GSPT2: variants seen among roughly 807,000 people sequenced by gnomAD.
GSPT2 encodes the protein eukaryotic peptide chain release factor GTP-binding subunit ERF3B.
Under a neutral mutation model 24.6 loss-of-function variants are expected in GSPT2, and 2 were observed. That is an observed-to-expected ratio of 0.08 (90% CI 0.03 to 0.26). The LOEUF (loss-of-function observed/expected upper bound fraction) is 0.26, where lower values mean the gene tolerates loss of function less well. Ranked by LOEUF, GSPT2 falls within the 10% of genes least tolerant of loss-of-function variation. The probability of loss-of-function intolerance (pLI) is 1.00; values close to 1 mark genes in which losing one functional copy is unlikely to be tolerated. For missense variants in GSPT2, 322 were observed against 489.6 expected, an observed-to-expected ratio of 0.66 and a Z score of 3.23; for synonymous variants, 194 against 189.3, an observed-to-expected ratio of 1.02 and a Z score of -0.20.
chrX:51,745,168 CCT>C lies in GSPT2; in HGVS notation c.1545_1546del (p.Cys516ProfsTer7). ...PGFILCDPSN[L>X]CHSGRTFDVQ... Reference sequence around the variant, plus strand: ...GATTCATACTTTGTGATCCTAGTAACCTCTGCCATTCTGGACGCACGTTTGAT... The same window carrying C: ...GATTCATACTTTGTGATCCTAGTAACCTGCCATTCTGGACGCACGTTTGAT... On this transcript the variant is annotated frameshift_variant, in exon 1 of 1. Transcript: ENST00000340438. LOFTEE classifies it high-confidence loss of function. The C allele has an allele frequency of 8.3e-7, 1 of 1,203,253 alleles. No homozygotes were observed. Among genetic ancestry groups the C allele is most frequent in the Non-Finnish European group, 1.1e-6 (1 of 887,857 alleles).
rs781793704 is a variant in GSPT2, at chrX:51,745,147, C to T, written c.1521C>T (p.Phe507=). The part of the protein sequence containing the change: ...GIEEEEILPG[F]ILCDPSNLCH... ...AAGAAGAAGAGATTCTTCCAGGATT[C>T]ATACTTTGTGATCCTAGTAACCTCT... The change falls in exon 1 of 1, where the codon TTC becomes TTT. Residue 507 remains phenylalanine (F), a synonymous_variant. Coordinates refer to ENST00000340438, the MANE Select transcript of GSPT2 (RefSeq NM_018094.5). The T allele has an allele frequency of 1.7e-5, 20 of 1,206,562 alleles. No homozygotes were observed. In the Admixed American group the frequency reaches 2.0e-4, roughly 12 times the overall value.
In GSPT2 at chrX:51,743,875, G is replaced by T. The variant is rs1923945392; in HGVS notation, c.249G>T (p.Pro83=). 1 of 1,204,273 alleles carries T rather than the reference G, an allele frequency of 8.3e-7. No homozygotes were observed. Among genetic ancestry groups the T allele is most frequent in the East Asian group, 3.0e-5 (1 of 33,510 alleles). The part of the protein sequence containing the change: ...LRGPTQPPTL[P]AGSGSNDETC... ...GCCCGACTCAGCCGCCCACCCTCCC[G>T]GCCGGCTCCGGCAGCAACGATGAAA... Residue 83 remains proline (P), a synonymous_variant, in exon 1 of 1, where the codon CCG becomes CCT. Transcript: ENST00000340438.
In GSPT2 at chrX:51,745,420, A is replaced by G; in HGVS notation, c.1794A>G (p.Lys598=). Residue 598 remains lysine, a synonymous_variant, in exon 1 of 1, where the codon AAA becomes AAG. Transcript: ENST00000340438. The part of the protein sequence containing the change: ...TAGTICLETF[K]DFPQMGRFTL... ...GAACCATCTGCCTCGAGACGTTCAA[A>G]GATTTTCCTCAGATGGGTCGTTTTA... The G allele has an allele frequency of 1.7e-6, 2 of 1,207,428 alleles. No homozygotes were observed. The highest frequency in any genetic ancestry group is 2.2e-6 in the Non-Finnish European group (2 of 891,496).
Position 51,744,793 on chromosome X carries a change from C to G in GSPT2, c.1167C>G (p.Pro389=). 1 of 1,205,159 alleles carries G rather than the reference C, an allele frequency of 8.3e-7. No homozygotes were observed. Among genetic ancestry groups the G allele is most frequent in the Non-Finnish European group, 1.1e-6 (1 of 889,551 alleles). ...FSPKKDIHFM[P]CSGLTGANIK... ...CAAAAAAGGACATTCACTTTATGCC[C>G]TGCTCAGGACTGACCGGAGCAAATA... is the stretch of plus-strand genomic sequence containing the variant. The change falls in exon 1 of 1, where the codon CCC becomes CCG. Residue 389 remains proline, a synonymous_variant. Coordinates refer to ENST00000340438, the MANE Select transcript of GSPT2 (RefSeq NM_018094.5).
At position 51,744,886 on chromosome X, in the gene GSPT2, G is replaced by A; in HGVS notation, c.1260G>A (p.Leu420=). ...GLPFIPYLDN[L]PNFNRSIDGP... is the part of the protein sequence containing the mutation. ...CATTTATTCCGTATTTGGATAACTTGCCAAACTTCAACAGATCAATTGATG... is the reference window on the plus strand; with the variant it reads ...CATTTATTCCGTATTTGGATAACTTACCAAACTTCAACAGATCAATTGATG... Residue 420 remains leucine, a synonymous_variant, in exon 1 of 1, where the codon TTG becomes TTA. Transcript: ENST00000340438. 1.7e-6 allele frequency: 2 copies of A among 1,208,730 alleles called. No individual in the cohort carries two copies. The highest frequency in any genetic ancestry group is 2.2e-6 in the Non-Finnish European group (2 of 892,918).
chrX:51,743,761 C>T lies in GSPT2; in HGVS notation c.135C>T (p.Ser45=). 8.3e-7 allele frequency: 1 copy of T among 1,211,710 alleles called. No individual in the cohort carries two copies. Among genetic ancestry groups the T allele is most frequent in the Admixed American group, 2.2e-5 (1 of 46,142 alleles). Reference sequence around the variant, plus strand: ...CCGAGGCCCAGCGCGAGCCCCTCAGCTCGGCTTTCAGCCGTAAGCTCAACG... The same window carrying T: ...CCGAGGCCCAGCGCGAGCCCCTCAGTTCGGCTTTCAGCCGTAAGCTCAACG... ...AVAEAQREPL[S]SAFSRKLNVN... Residue 45 remains serine (S), a synonymous_variant, in exon 1 of 1, where the codon AGC becomes AGT. Coordinates refer to ENST00000340438, the MANE Select transcript of GSPT2 (RefSeq NM_018094.5).
chrX:51,745,578 C>T lies in GSPT2; in HGVS notation c.*65C>T. 3.1e-6 allele frequency: 2 copies of T among 643,719 alleles called. No individual in the cohort carries two copies. Among genetic ancestry groups the T allele is most frequent in the Admixed American group, 6.1e-5 (2 of 32,878 alleles). The allele number at this position is 643,719 out of a possible 1,213,427, so 53.0% of individuals were successfully genotyped here. Reference sequence around the variant, plus strand: ...ATTGACAGCAAAAGTTCACCACCTACTCTTATTTACTGCCCATTGATTGAC... The same window carrying T: ...ATTGACAGCAAAAGTTCACCACCTATTCTTATTTACTGCCCATTGATTGAC... On this transcript the variant is annotated 3_prime_UTR_variant, in exon 1 of 1. Coordinates refer to ENST00000340438, the MANE Select transcript of GSPT2 (RefSeq NM_018094.5).
chrX:51,744,046 A>G lies in GSPT2; in HGVS notation c.420A>G (p.Gly140=). The G allele has an allele frequency of 8.3e-7, 1 of 1,210,377 alleles. No individual in the cohort carries two copies. Among genetic ancestry groups the G allele is most frequent in the Non-Finnish European group, 1.1e-6 (1 of 894,782 alleles). ...MELSEPVVEN[G]EVEMALEESW... ...TTTCAGAACCTGTTGTAGAAAATGG[A>G]GAGGTGGAAATGGCCCTAGAAGAAT... is the stretch of plus-strand genomic sequence containing the variant. Residue 140 remains glycine (G), a synonymous_variant, in exon 1 of 1, where the codon GGA becomes GGG. Coordinates refer to ENST00000340438, the MANE Select transcript of GSPT2 (RefSeq NM_018094.5).
In GSPT2 at chrX:51,745,158, A is replaced by G; in HGVS notation, c.1532A>G (p.Asp511Gly). 8.3e-7 allele frequency: 1 copy of G among 1,205,137 alleles called. No individual in the cohort carries two copies. The highest frequency in any genetic ancestry group is 1.1e-6 in the Non-Finnish European group (1 of 889,493). ...EEILPGFILC[D>G]PSNLCHSGRT... ...ATTCTTCCAGGATTCATACTTTGTGATCCTAGTAACCTCTGCCATTCTGGA... is the reference window on the plus strand; with the variant it reads ...ATTCTTCCAGGATTCATACTTTGTGGTCCTAGTAACCTCTGCCATTCTGGA... Residue 511 changes from aspartate (D) to glycine (G), a missense_variant, in exon 1 of 1, where the codon GAT (aspartate) becomes GGT (glycine). Asp to Gly is a moderately conservative substitution (Grantham distance 94). This residue lies in a region of GSPT2 where 117 missense variants were observed against 204.1 expected (regional missense o/e 0.57). Transcript: ENST00000340438.
Position 51,745,845 on chromosome X carries a change from C to A in GSPT2, c.*332C>A, listed in dbSNP as rs1923982606. 1 of 197,164 alleles carries A rather than the reference C, an allele frequency of 5.1e-6. No individual in the cohort carries two copies. Among genetic ancestry groups the A allele is most frequent in the East Asian group, 1.3e-4 (1 of 7,872 alleles). 16.2% of individuals were successfully genotyped at this position (197,164 alleles called of 1,213,427 possible). Reference sequence around the variant, plus strand: ...TTTCTTTTAGGATATTTAGACCACCCTTGTTCCACGCAAACCAGAGTGTGT... The same window carrying A: ...TTTCTTTTAGGATATTTAGACCACCATTGTTCCACGCAAACCAGAGTGTGT... On this transcript the variant is annotated 3_prime_UTR_variant, in exon 1 of 1. Transcript: ENST00000340438.
chrX:51,744,957 C>T lies in GSPT2; in HGVS notation c.1331C>T (p.Thr444Ile). ...PIVDKYKDMG[T>I]VVLGKLESGS... is the part of the protein sequence containing the mutation. ...GTGGATAAGTACAAAGATATGGGCACTGTGGTCCTGGGAAAGCTGGAATCC... is the reference window on the plus strand; with the variant it reads ...GTGGATAAGTACAAAGATATGGGCATTGTGGTCCTGGGAAAGCTGGAATCC... Residue 444 changes from threonine to isoleucine, a missense_variant, in exon 1 of 1, where the codon ACT becomes ATT. Physicochemically the swap from Thr to Ile is moderately conservative, Grantham distance 89. This residue lies in a region of GSPT2 where 117 missense variants were observed against 204.1 expected (regional missense o/e 0.57). Coordinates refer to ENST00000340438, the MANE Select transcript of GSPT2 (RefSeq NM_018094.5). 1 of 1,208,795 alleles carries T rather than the reference C, an allele frequency of 8.3e-7. No homozygotes were observed. The highest frequency in any genetic ancestry group is 1.1e-6 in the Non-Finnish European group (1 of 893,067).
In GSPT2 at chrX:51,744,991, T is replaced by A; in HGVS notation, c.1365T>A (p.Ile455=). 10 of 1,210,533 alleles carry A rather than the reference T, an allele frequency of 8.3e-6. No individual in the cohort carries two copies. Among genetic ancestry groups the A allele is most frequent in the Non-Finnish European group, 1.1e-5 (10 of 894,318 alleles). ...TGGGAAAGCTGGAATCCGGGTCCAT[T>A]TTTAAAGGCCAGCAGCTCGTGATGA... ...VVLGKLESGS[I]FKGQQLVMMP... The change falls in exon 1 of 1, where the codon ATT becomes ATA. Residue 455 remains isoleucine (I), a synonymous_variant. Transcript: ENST00000340438.
rs782696117 is a variant in GSPT2 at position 51,745,066 on chromosome X, T to C, written c.1440T>C (p.Thr480=). Residue 480 remains threonine, a synonymous_variant, in exon 1 of 1, where the codon ACT becomes ACC. Coordinates refer to ENST00000340438, the MANE Select transcript of GSPT2 (RefSeq NM_018094.5). ...TTCTTGGAATACTTTCTGATGATAC[T>C]GAAACTGATTTTGTAGCCCCAGGTG... ...VEVLGILSDD[T]ETDFVAPGEN... is the part of the protein sequence containing the mutation. The C allele has an allele frequency of 8.3e-7, 1 of 1,206,184 alleles. No homozygotes were observed. The highest frequency in any genetic ancestry group is 1.7e-5 in the African/African-American group (1 of 57,722).
Position 51,745,899 on chromosome X carries a change from A to G in GSPT2, c.*386A>G, listed in dbSNP as rs1249509787. On this transcript the variant is annotated 3_prime_UTR_variant, in exon 1 of 1. Coordinates refer to ENST00000340438, the MANE Select transcript of GSPT2 (RefSeq NM_018094.5). Reference sequence around the variant, plus strand: ...TGTTTGTGTGTGTGTTAAAATGATAACTAACATGTGAATAAAATACTCCAT... The same window carrying G: ...TGTTTGTGTGTGTGTTAAAATGATAGCTAACATGTGAATAAAATACTCCAT... 3 of 145,543 alleles carry G rather than the reference A, an allele frequency of 2.1e-5. No homozygotes were observed. The highest frequency in any genetic ancestry group is 4.4e-5 in the Non-Finnish European group (3 of 68,331). 12.0% of individuals were successfully genotyped at this position (145,543 alleles called of 1,213,427 possible).
In GSPT2 at chrX:51,744,039, A is replaced by G. The variant is rs782463835; in HGVS notation, c.413A>G (p.Glu138Gly). The change falls in exon 1 of 1, where the codon GAA becomes GGA. Residue 138 changes from glutamate (E) to glycine (G), a missense_variant. Glu to Gly is a moderately conservative substitution (Grantham distance 98, BLOSUM62 -2). Transcript: ENST00000340438. ...ATGGAACTTTCAGAACCTGTTGTAG[A>G]AAATGGAGAGGTGGAAATGGCCCTA... Reference protein sequence around the residue: ...VTMELSEPVVENGEVEMALEE... With the variant: ...VTMELSEPVVGNGEVEMALEE... 2 of 1,210,765 alleles carry G rather than the reference A, an allele frequency of 1.7e-6. No homozygotes were observed. The highest frequency in any genetic ancestry group is 1.8e-5 in the South Asian group (1 of 56,687).
In GSPT2 at chrX:51,743,527, C is replaced by T. The variant is rs1923933397; in HGVS notation, c.-100C>T. 1 of 717,847 alleles carries T rather than the reference C, an allele frequency of 1.4e-6. No homozygotes were observed. Among genetic ancestry groups the T allele is most frequent in the African/African-American group, 2.1e-5 (1 of 46,907 alleles). The allele number at this position is 717,847 out of a possible 1,213,427, so 59.2% of individuals were successfully genotyped here. A position where few individuals can be genotyped will look rare whatever the true frequency, so the allele number is the denominator to read the frequency against. ...GCAGCTAAGGTTCGTGTCGCTACCC[C>T]TTGGCCCTTCGCTCTTGCTGCCTTA... is the stretch of plus-strand genomic sequence containing the variant. On this transcript the variant is annotated 5_prime_UTR_variant, in exon 1 of 1. Coordinates refer to ENST00000340438, the MANE Select transcript of GSPT2 (RefSeq NM_018094.5).
At position 51,745,759 on chromosome X, in the gene GSPT2, G is replaced by T. The variant is rs1490700742; in HGVS notation, c.*246G>T. On this transcript the variant is annotated 3_prime_UTR_variant, in exon 1 of 1. Coordinates refer to ENST00000340438, the MANE Select transcript of GSPT2 (RefSeq NM_018094.5). ...CTTGGACAATATCAGTAATAGCTTT[G>T]TAAGTGATGTGGACGTAATTGCCTA... 4 of 359,109 alleles carry T rather than the reference G, an allele frequency of 1.1e-5. No individual in the cohort carries two copies. Among genetic ancestry groups the T allele is most frequent in the Non-Finnish European group, 1.5e-5 (3 of 203,063 alleles). 29.6% of individuals were successfully genotyped at this position (359,109 alleles called of 1,213,427 possible). A position where few individuals can be genotyped will look rare whatever the true frequency, so the allele number is the denominator to read the frequency against.
chrX:51,745,667 T>C lies in GSPT2; in HGVS notation c.*154T>C, dbSNP rs1557349042. 2.2e-6 allele frequency: 1 copy of C among 456,769 alleles called. No homozygotes were observed. Among genetic ancestry groups the C allele is most frequent in the African/African-American group, 2.5e-5 (1 of 40,654 alleles). The allele number at this position is 456,769 out of a possible 1,213,427, so 37.6% of individuals were successfully genotyped here. On this transcript the variant is annotated 3_prime_UTR_variant, in exon 1 of 1. Transcript: ENST00000340438. ...AATTCATGTTTTGTCAGCTTTCTCA[T>C]GTTGAGATCTGTTATGTCACTGATG...
At position 51,744,862 on chromosome X, in the gene GSPT2, A is replaced by G. The variant is rs369786409; in HGVS notation, c.1236A>G (p.Pro412=). The G allele has an allele frequency of 1.2e-5, 14 of 1,208,393 alleles. No individual in the cohort carries two copies. The highest frequency in any genetic ancestry group is 1.1e-5 in the Non-Finnish European group (10 of 893,833). The change falls in exon 1 of 1, where the codon CCA becomes CCG. Residue 412 remains proline, a synonymous_variant. Coordinates refer to ENST00000340438, the MANE Select transcript of GSPT2 (RefSeq NM_018094.5). ...TCTGCCCTTGGTACACTGGATTACCATTTATTCCGTATTTGGATAACTTGC... is the reference window on the plus strand; with the variant it reads ...TCTGCCCTTGGTACACTGGATTACCGTTTATTCCGTATTTGGATAACTTGC... ...SDFCPWYTGL[P]FIPYLDNLPN... is the part of the protein sequence containing the mutation.
Sources: allele counts gnomAD v4.1 joint callset, GRCh38; gene constraint gnomAD v4.1.1; regional missense constraint gnomAD v4.1.1; transcripts MANE v1.5; gene names NCBI Gene and HGNC (gene_info 2026-07-23, HGNC 2026-07-21).